The following AAGAB variants were observed in gnomAD, a reference collection of about 807,000 sequenced individuals.
The protein encoded by AAGAB is alpha- and gamma-adaptin-binding protein p34.
In AAGAB, 38 loss-of-function variants were observed where a neutral mutation model predicts 44.1. The observed-to-expected ratio is 0.86, with a 90% CI of 0.67 to 1.13. The LOEUF is 1.13. Ranked by LOEUF, AAGAB falls within the 50% of genes most tolerant of loss-of-function variation. The pLI is 0.00. For missense variants in AAGAB, 450 were observed against 373.8 expected (o/e 1.20, Z -1.68); for synonymous variants, 131 against 131.8 (o/e 0.99, Z 0.04).
intron 5 of AAGAB, among the ~76,000 whole-genome samples, chr15:67,211,112 T>A (rs539014401): frequency 2.6e-5 from 4 of 152,322 alleles, no homozygotes; most frequent in African/African-American, 9.6e-5. Context: ...TAAACTGGGA[T>A]GAAGCCTCAA....
At position 67,236,045 on chromosome 15, in the gene AAGAB, C is replaced by A; in HGVS notation, c.385G>T (p.Glu129Ter). Residue 129 changes from glutamate (E) to a stop codon, truncating the protein, a stop_gained, in exon 4 of 10, where the codon GAA becomes TAA. Transcript: ENST00000261880. LOFTEE classifies it high-confidence loss of function. ...EDGINRQKAQ[E>*]WCIKHGFELV... ...TCAAAGCCATGTTTGATGCACCATTCTTGAGCTTTTTGTCGGTTTATACCT... is the reference window on the plus strand; with the variant it reads ...TCAAAGCCATGTTTGATGCACCATTATTGAGCTTTTTGTCGGTTTATACCT... The A allele has an allele frequency of 6.2e-7, 1 of 1,613,086 alleles. No homozygotes were observed. Among genetic ancestry groups the A allele is most frequent in the South Asian group, 1.1e-5 (1 of 90,918 alleles).
At position 67,250,991 on chromosome 15, in the gene AAGAB, C is replaced by T. The variant is rs369473148; in HGVS notation, c.73+3568G>A. ...GCAGTGAGCCGAGATCGTGCCACTG[C>T]ACTCCAGCCCAGGCAACAGAGTGAG... On this transcript the variant is annotated intron_variant, in intron 1 of 9. Coordinates refer to ENST00000261880, the MANE Select transcript of AAGAB (RefSeq NM_024666.5). 4.4e-4 allele frequency among the ~76,000 whole-genome samples: 67 copies of T among 152,308 alleles called. No homozygotes were observed. The East Asian group carries it at 4.6e-3, about 11-fold the overall frequency.
chr15:67,232,522 A>G, intron 4 of AAGAB: 1 of 376,030 alleles, frequency 2.7e-6, no homozygotes, highest in Non-Finnish European at 5.3e-6. Flanking sequence ...ATGGTCATTG[A>G]TGTCCTTCAC....
intron 1 of AAGAB, among the ~76,000 whole-genome samples, chr15:67,245,930 C>A (rs530008407): frequency 6.6e-6 from 1 of 152,168 alleles, no homozygotes; most frequent in Non-Finnish European, 1.5e-5. Flanking sequence ...ACCAAATGAT[C>A]AAACATTTTC....
chr15:67,236,897 G>GCTTT, intron 1 of AAGAB, 77 bp from the exon 2 acceptor site: 23 of 1,168,818 alleles, frequency 2.0e-5, no homozygotes, highest in Non-Finnish European at 2.7e-5. Flanking sequence ...TCAGATACCA[G>GCTTT]ATAAAGCTGG....
intron 1 of AAGAB, among the ~76,000 whole-genome samples, chr15:67,251,292 G>A (rs1362211326): frequency 3.9e-5 from 6 of 151,938 alleles, no homozygotes; most frequent in African/African-American, 1.5e-4. Context: ...CACCTAGGCT[G>A]GAGGGCAGTA....
chr15:67,255,033 C>T, upstream of AAGAB: 1 of 1,324,460 alleles, frequency 7.6e-7, no homozygotes, highest in South Asian at 1.2e-5. Context: ...CCGACGCTCA[C>T]CCATTTGGTG....
intron 4 of AAGAB, among the ~76,000 whole-genome samples, chr15:67,234,063 A>G (rs1964405883): frequency 6.6e-6 from 1 of 151,066 alleles, no homozygotes; most frequent in South Asian, 2.1e-4. Flanking sequence ...TAACATGGTG[A>G]AACACCGTCT....
intron 5 of AAGAB, among the ~76,000 whole-genome samples, chr15:67,214,734 G>A (rs906099821): frequency 2.6e-5 from 4 of 151,746 alleles, no homozygotes; most frequent in Non-Finnish European, 4.4e-5. Flanking sequence ...TCCGCCTCCC[G>A]GGTTCAGGCC....
chr15:67,254,851 C>A (rs766048528), upstream of AAGAB: 11 of 1,595,188 alleles, frequency 6.9e-6, no homozygotes, highest in South Asian at 9.0e-5. Flanking sequence ...GGTTTCCGTG[C>A]TTGGAAACCG....
chr15:67,218,876 A>T (rs1264094797), intron 5 of AAGAB, among the ~76,000 whole-genome samples: 1 of 152,240 alleles, frequency 6.6e-6, no homozygotes, highest in Non-Finnish European at 1.5e-5. Flanking sequence ...CTTGAGCTAC[A>T]GCCAAACTTT....
intron 7 of AAGAB, among the ~76,000 whole-genome samples, chr15:67,206,023 TA>T (rs1843557875): frequency 6.6e-6 from 1 of 152,242 alleles, no homozygotes; most frequent in South Asian, 2.1e-4. Flanking sequence ...ATAATGCCAT[TA>T]ACCATGCCAT....
intron 5 of AAGAB, among the ~76,000 whole-genome samples, chr15:67,222,235 C>CGT (rs1236474504): frequency 1.6e-5 from 1 of 63,134 alleles, no homozygotes; most frequent in Non-Finnish European, 3.2e-5. Flanking sequence ...CGCGCACGCG[C>CGT]GCGCGCGCAC....
upstream of AAGAB, chr15:67,254,736 TGACCAGGCTGGCCTGACCCCGCCCCTA>T: frequency 2.9e-6 from 4 of 1,371,062 alleles, no homozygotes; most frequent in Middle Eastern, 3.9e-4. Context: ...GTTCTCGGAA[TGACCAGGCTGGCCTGACCCCGCCCCTA>T]GACCCCCTTC....
intron 4 of AAGAB, among the ~76,000 whole-genome samples, chr15:67,234,118 T>C (rs1276505928): frequency 1.3e-5 from 2 of 149,038 alleles, no homozygotes; most frequent in Non-Finnish European, 3.0e-5. Context: ...CCAGGCGTGG[T>C]GGCGGGCGCC....
At chr15:67,254,766 C>G (rs1443737835), upstream of AAGAB, 19 of 1,316,852 alleles carry the variant, frequency 1.4e-5, no homozygotes, top group Non-Finnish European at 1.9e-5. Flanking sequence ...CGCCCCTAGA[C>G]CCCCTTCCGC....
upstream of AAGAB, chr15:67,254,689 G>A (rs1965039187): frequency 6.5e-7 from 1 of 1,534,368 alleles, no homozygotes; most frequent in Admixed American, 1.9e-5. Flanking sequence ...GCTGCACCAC[G>A]GCCGCCGGCG....
At chr15:67,224,220 A>C (rs1964147854) in intron 5 of AAGAB, among the ~76,000 whole-genome samples, 1 of 152,252 alleles carries the variant, frequency 6.6e-6, no homozygotes, top group Non-Finnish European at 1.5e-5. Context: ...GCACAGAGCA[A>C]GTACTTAAGA....
rs1443162161 is a variant in AAGAB at position 67,231,982 on chromosome 15, G to T, written c.452-85C>A. The T allele has an allele frequency of 2.6e-6, 3 of 1,136,008 alleles. No individual in the cohort carries two copies. The African/African-American group carries it at 4.6e-5, about 18-fold the overall frequency. 70.4% of individuals were successfully genotyped at this position (1,136,008 alleles called of 1,614,324 possible). On this transcript the variant is annotated intron_variant, in intron 4 of 9. Transcript: ENST00000261880. Reference sequence around the variant, plus strand: ...CATTCACAAAAATGTGGCCAGGCACGGTGGCTCATGCCTGTAATCCCAGCA... The same window carrying T: ...CATTCACAAAAATGTGGCCAGGCACTGTGGCTCATGCCTGTAATCCCAGCA...
Sources: gnomAD v4.1 joint callset for allele counts (sites outside exome capture counted in the v4.1 genomes callset) on GRCh38, gnomAD v4.1.1 for gene constraint, MANE v1.5 for transcripts, NCBI Gene and HGNC (gene_info 2026-07-23, HGNC 2026-07-21) for gene names.